OCA2: variants seen among roughly 807,000 people sequenced by gnomAD.
OCA2 encodes OCA2 melanosomal transmembrane protein.
OCA2 carries 77 observed loss-of-function variants against 100.2 expected under a neutral mutation model. That is an observed-to-expected ratio of 0.77 (90% CI 0.64 to 0.93). OCA2 has a LOEUF of 0.93. Among genes scored for constraint, OCA2 ranks in the 40% least tolerant of loss-of-function variants. The pLI, the probability that OCA2 is intolerant of heterozygous loss-of-function variation, is 0.00. For synonymous variants in OCA2, 432 were observed against 439.2 expected (o/e 0.98, Z 0.21); for missense variants, 1,062 against 1,089.1 (o/e 0.98, Z 0.35).
At chr15:27,805,054 C>T (rs1470036577) in intron 23 of OCA2, among the ~76,000 whole-genome samples, 2 of 152,206 alleles carry the variant, frequency 1.3e-5, no homozygotes, top group Non-Finnish European at 2.9e-5. Flanking sequence ...CACCAAGAAG[C>T]CCCTGCAAGG....
chr15:27,932,405 A>G (rs2039284835), intron 18 of OCA2, among the ~76,000 whole-genome samples: 1 of 151,582 alleles, frequency 6.6e-6, no homozygotes, highest in Non-Finnish European at 1.5e-5. Context: ...CACCTGAGGA[A>G]TAGGAGCAAA....
chr15:27,903,321 G>A (rs1246578752), intron 19 of OCA2, among the ~76,000 whole-genome samples: 1 of 152,166 alleles, frequency 6.6e-6, no homozygotes, highest in Admixed American at 6.5e-5. Flanking sequence ...GCTTCCGCGG[G>A]CCCACAGCTG....
intron 2 of OCA2, among the ~76,000 whole-genome samples, chr15:28,049,866 T>A (rs2043456296): frequency 6.6e-6 from 1 of 152,080 alleles, no homozygotes; most frequent in Admixed American, 6.6e-5. Flanking sequence ...GATGAAAAAA[T>A]TTTAGAATTT....
chr15:27,814,665 G>A (rs965961463), intron 23 of OCA2, among the ~76,000 whole-genome samples: 1 of 152,140 alleles, frequency 6.6e-6, no homozygotes, highest in African/African-American at 2.4e-5. Context: ...ATCCCTTGAG[G>A]TCAGGAGCTC....
chr15:28,024,421 G>A (rs150307360), intron 5 of OCA2, among the ~76,000 whole-genome samples: 64 of 152,316 alleles, frequency 4.2e-4, no homozygotes, highest in African/African-American at 1.2e-3. Flanking sequence ...AACACTTACC[G>A]CTGGGCAGAG....
intron 14 of OCA2, among the ~76,000 whole-genome samples, chr15:27,969,221 T>C (rs1259649045): frequency 1.3e-5 from 2 of 148,954 alleles, no homozygotes; most frequent in Non-Finnish European, 3.0e-5. Flanking sequence ...AAGTGATGAG[T>C]AGATAAAAGA....
Position 27,957,846 on chromosome 15 carries a change from A to G in OCA2, c.1637-111T>C. The G allele has an allele frequency of 7.6e-7, 1 of 1,313,806 alleles. No homozygotes were observed. The highest frequency in any genetic ancestry group is 2.4e-5 in the East Asian group (1 of 41,642). The allele number at this position is 1,313,806 out of a possible 1,614,324, so 81.4% of individuals were successfully genotyped here. ...CTGACAGAGCAGACACACACTCGAG[A>G]CGTGCAGGTAGCCCAGGGTCACCCA... is the stretch of plus-strand genomic sequence containing the variant. On this transcript the variant is annotated intron_variant, in intron 15 of 23. Transcript: ENST00000354638. This position sits in a 1 kb window ranked among gnomAD's most constrained non-coding sequence, Gnocchi z 4.3.
intron 20 of OCA2, among the ~76,000 whole-genome samples, chr15:27,871,554 T>C (rs1025371163): frequency 3.3e-5 from 5 of 152,202 alleles, no homozygotes; most frequent in Non-Finnish European, 7.4e-5. Flanking sequence ...ATTGACCTGA[T>C]GGCCCGGCAG....
the OCA2 span, among the ~76,000 whole-genome samples, chr15:27,719,113 A>G: frequency 6.6e-6 from 1 of 152,206 alleles, no homozygotes; most frequent in Non-Finnish European, 1.5e-5. Context: ...TTCCTATACT[A>G]CTGCTCAAGC....
intron 19 of OCA2, among the ~76,000 whole-genome samples, chr15:27,883,086 C>A (rs1237126843): frequency 6.6e-6 from 1 of 152,128 alleles, no homozygotes; most frequent in Non-Finnish European, 1.5e-5. Context: ...TTGGCTCTCT[C>A]TTCTGGTTTT....
intron 19 of OCA2, among the ~76,000 whole-genome samples, chr15:27,914,430 T>C (rs556415637): frequency 1.7e-4 from 26 of 152,284 alleles, no homozygotes; most frequent in African/African-American, 4.8e-4. Context: ...CTATCTCTTT[T>C]CACAGACAAT....
intron 23 of OCA2, among the ~76,000 whole-genome samples, chr15:27,786,268 T>C (rs1219584460): frequency 1.8e-4 from 27 of 152,176 alleles, no homozygotes; most frequent in Admixed American, 1.8e-3. Flanking sequence ...CTGTGTCCTT[T>C]GAATATCCAC....
In OCA2 at chr15:27,986,585, A is replaced by ACC. The variant is rs1230670246; in HGVS notation, c.1239_1239+1dup. The ACC allele has an allele frequency of 6.4e-7, 1 of 1,559,696 alleles. No homozygotes were observed. The highest frequency in any genetic ancestry group is 1.3e-5 in the African/African-American group (1 of 74,092). ...AATTATTAAATGCAACATCATACCT[A>ACC]CCTTTACAGCACAATAATCGAAAAA... is the stretch of plus-strand genomic sequence containing the variant. On this transcript the variant is annotated splice_donor_variant, in intron 12 of 23. Coordinates refer to ENST00000354638, the MANE Select transcript of OCA2 (RefSeq NM_000275.3). LOFTEE classifies it high-confidence loss of function.
chr15:27,955,619 C>A (rs1309807536), intron 16 of OCA2, among the ~76,000 whole-genome samples: 1 of 152,172 alleles, frequency 6.6e-6, no homozygotes, highest in Non-Finnish European at 1.5e-5. Flanking sequence ...ACAACTATTA[C>A]AACCAACTAA....
At chr15:27,719,050 C>T in the OCA2 span, among the ~76,000 whole-genome samples, 1 of 152,218 alleles carries the variant, frequency 6.6e-6, no homozygotes, top group Non-Finnish European at 1.5e-5. Context: ...CCAGCCCCAA[C>T]TTCTGACATG....
chr15:28,028,905 C>T (rs1015021057), intron 3 of OCA2, among the ~76,000 whole-genome samples: 6 of 152,078 alleles, frequency 3.9e-5, no homozygotes, highest in African/African-American at 2.4e-5. Flanking sequence ...AGGCTAGTCT[C>T]GAACTCCTGA....
At position 27,755,123 on chromosome 15, in the gene OCA2, T is replaced by C; in HGVS notation, c.*265A>G. 2.3e-6 allele frequency: 1 copy of C among 440,430 alleles called. No homozygotes were observed. The highest frequency in any genetic ancestry group is 4.2e-6 in the Non-Finnish European group (1 of 235,664). The allele number at this position is 440,430 out of a possible 1,614,324, so 27.3% of individuals were successfully genotyped here. On this transcript the variant is annotated 3_prime_UTR_variant, in exon 24 of 24. Transcript: ENST00000354638. ...GGAAGGGTTTTTAAACATACGTATTTTTCTGGAGGGGAATCTTGAGTAAGT... is the reference window on the plus strand; with the variant it reads ...GGAAGGGTTTTTAAACATACGTATTCTTCTGGAGGGGAATCTTGAGTAAGT...
chr15:27,817,261 C>T (rs1169745501), intron 23 of OCA2, among the ~76,000 whole-genome samples: 1 of 152,144 alleles, frequency 6.6e-6, no homozygotes, highest in Admixed American at 6.5e-5. Context: ...AGAAAAGCAA[C>T]AATAAACCCA....
intron 18 of OCA2, among the ~76,000 whole-genome samples, chr15:27,936,505 T>G (rs2039457168): frequency 6.6e-6 from 1 of 152,208 alleles, no homozygotes; most frequent in Admixed American, 6.5e-5. Context: ...TTTTATAATC[T>G]TCGTGTCTTC....
Sources: gnomAD v4.1 joint callset for allele counts (sites outside exome capture counted in the v4.1 genomes callset) on GRCh38, gnomAD v4.1.1 for gene constraint, Gnocchi (gnomAD v3.1) non-coding constraint, MANE v1.5 for transcripts, NCBI Gene and HGNC (gene_info 2026-07-23, HGNC 2026-07-21) for gene names.